CHLSN: variants seen among roughly 807,000 people sequenced by gnomAD.
CHLSN encodes protein cholesin.
chr7:1,009,035 A>ACGTG, the CHLSN span, among the ~76,000 whole-genome samples: 1 of 74,508 alleles, frequency 1.3e-5, no homozygotes, highest in African/African-American at 9.8e-5. Flanking sequence ...ACACACGTAC[A>ACGTG]CACATGCACA....
At chr7:1,075,047 A>G in the CHLSN span, among the ~76,000 whole-genome samples, 7 of 152,210 alleles carry the variant, frequency 4.6e-5, no homozygotes, top group Non-Finnish European at 1.0e-4. Flanking sequence ...GAATGGACCA[A>G]GAACCGAAAG....
chr7:1,008,843 G>GTA, the CHLSN span, among the ~76,000 whole-genome samples: 3 of 84,272 alleles, frequency 3.6e-5, no homozygotes, highest in Admixed American at 2.4e-4. Flanking sequence ...GTATACACAC[G>GTA]CACACACGTA....
At chr7:1,028,855 T>C in the CHLSN span, 1 of 706,256 alleles carries the variant, frequency 1.4e-6, no homozygotes, top group Non-Finnish European at 1.7e-6. Flanking sequence ...CTTCCCAGTC[T>C]GCCATCTCCC....
chr7:1,064,069 G>A, the CHLSN span, among the ~76,000 whole-genome samples: 2 of 152,028 alleles, frequency 1.3e-5, no homozygotes, highest in African/African-American at 4.8e-5. Context: ...ACTTTAGACA[G>A]ATGTGTGTGC....
At chr7:1,120,801 A>G in the CHLSN span, among the ~76,000 whole-genome samples, 3 of 145,972 alleles carry the variant, frequency 2.1e-5, no homozygotes, top group Non-Finnish European at 4.7e-5. Flanking sequence ...CTCAGCCCCA[A>G]AAATGGATGG....
At chr7:1,010,252 C>G in the CHLSN span, 1 of 1,021,080 alleles carries the variant, frequency 9.8e-7, no homozygotes, top group Non-Finnish European at 1.4e-6. Context: ...GCCAAAAGCT[C>G]TGTCCCCAAG....
At chr7:1,044,345 G>T in the CHLSN span, among the ~76,000 whole-genome samples, 14 of 152,230 alleles carry the variant, frequency 9.2e-5, 1 homozygote, top group Admixed American at 8.5e-4. Context: ...AGGGAATCTC[G>T]CACGAGTTCG....
the CHLSN span, chr7:1,023,004 G>A: frequency 4.8e-4 from 221 of 464,904 alleles, no homozygotes; most frequent in Non-Finnish European, 3.5e-4. The surrounding 1 kb of genome is among the most constrained non-coding windows in gnomAD (Gnocchi z 5.0). Context: ...AGCTCCTGGA[G>A]GACAGGGAGA....
chr7:1,006,915 G>A, the CHLSN span, among the ~76,000 whole-genome samples: 2 of 152,200 alleles, frequency 1.3e-5, no homozygotes, highest in Non-Finnish European at 2.9e-5. Context: ...GAAGGCTGCA[G>A]AGAAGATGAA....
chr7:1,011,478 CAG>C, the CHLSN span, among the ~76,000 whole-genome samples: 1 of 147,202 alleles, frequency 6.8e-6, no homozygotes, highest in Non-Finnish European at 1.5e-5. Flanking sequence ...CACCCACACC[CAG>C]ACACACCTTC....
At chr7:1,106,978 T>C in the CHLSN span, among the ~76,000 whole-genome samples, 3 of 152,098 alleles carry the variant, frequency 2.0e-5, no homozygotes, top group Non-Finnish European at 4.4e-5. Context: ...CTGCTGGGAC[T>C]GCACCAGGCC....
the CHLSN span, chr7:1,045,822 G>A: frequency 6.6e-6 from 1 of 152,266 alleles, no homozygotes; most frequent in Non-Finnish European, 1.5e-5. Flanking sequence ...CAGAGAAGAG[G>A]TCGGGGCCAG....
chr7:1,010,168 C>T, the CHLSN span: 39 of 1,592,678 alleles, frequency 2.4e-5, no homozygotes, highest in East Asian at 8.5e-4. Context: ...ACACATTAGG[C>T]TTCGGGGATG....
chr7:984,986 C>T, the CHLSN span: 1 of 1,609,210 alleles, frequency 6.2e-7, no homozygotes, highest in Non-Finnish European at 8.5e-7. Context: ...TGGAGGGCTG[C>T]CCGCCAGTTC....
chr7:1,069,766 G>A, the CHLSN span, among the ~76,000 whole-genome samples: 1 of 63,182 alleles, frequency 1.6e-5, no homozygotes, highest in African/African-American at 9.2e-5. Context: ...CTGCCCGGCC[G>A]CCACCCCGTC....
the CHLSN span, among the ~76,000 whole-genome samples, chr7:1,023,435 C>T: frequency 3.3e-5 from 5 of 152,002 alleles, no homozygotes; most frequent in Non-Finnish European, 7.4e-5. The surrounding 1 kb of genome is among the most constrained non-coding windows in gnomAD (Gnocchi z 5.0). Flanking sequence ...AGACTCCCAG[C>T]CCCAGCGCCC....
the CHLSN span, chr7:1,138,175 C>T: frequency 6.6e-6 from 1 of 152,060 alleles, no homozygotes; most frequent in East Asian, 1.9e-4. Context: ...CCCGCCGCCG[C>T]CCCACGCGCC....
At chr7:1,123,147 G>A in the CHLSN span, among the ~76,000 whole-genome samples, 1 of 152,238 alleles carries the variant, frequency 6.6e-6, no homozygotes, top group Non-Finnish European at 1.5e-5. The surrounding 1 kb of genome is among the most constrained non-coding windows in gnomAD (Gnocchi z 4.4). Context: ...AGAGGCACCA[G>A]GGACTGAAGC....
the CHLSN span, among the ~76,000 whole-genome samples, chr7:1,136,462 A>ATG: frequency 1.1e-4 from 13 of 115,226 alleles, no homozygotes; most frequent in African/African-American, 5.3e-4. Flanking sequence ...AAACATATAT[A>ATG]AACATATATA....
Sources: gnomAD v4.1 joint callset for allele counts (sites outside exome capture counted in the v4.1 genomes callset) on GRCh38, gnomAD v4.1.1 for gene constraint, Gnocchi (gnomAD v3.1) non-coding constraint, MANE v1.5 for transcripts, NCBI Gene and HGNC (gene_info 2026-07-23, HGNC 2026-07-21) for gene names.